NEGR1: variants seen among roughly 807,000 people sequenced by gnomAD.
The protein encoded by NEGR1 is IgLON family member 4.
In NEGR1, 10 loss-of-function variants were observed where a neutral mutation model predicts 40.9. That is an observed-to-expected ratio of 0.24 (90% confidence interval 0.15 to 0.42). The LOEUF (loss-of-function observed/expected upper bound fraction) is 0.42. Among genes scored for constraint, NEGR1 ranks in the 10% least tolerant of loss-of-function variants. NEGR1 has a pLI of 1.00. For synonymous variants in NEGR1, 185 were observed against 166.8 expected (o/e 1.11, Z -0.84); for missense variants, 352 against 438.9 (o/e 0.80, Z 1.77).
intron 6 of NEGR1, among the ~76,000 whole-genome samples, chr1:71,466,124 G>T (rs1297953107): frequency 1.3e-5 from 2 of 151,928 alleles, no homozygotes; most frequent in Admixed American, 1.3e-4. Context: ...ATAATAATAC[G>T]CAAGTAACAC....
At chr1:71,940,841 AG>A (rs1645952050) in intron 1 of NEGR1, among the ~76,000 whole-genome samples, 2 of 152,298 alleles carry the variant, frequency 1.3e-5, no homozygotes, top group South Asian at 2.1e-4. Flanking sequence ...TAAGTCAAAA[AG>A]CCTGTGGCTG....
chr1:71,666,981 T>C (rs544855475), intron 4 of NEGR1, among the ~76,000 whole-genome samples: 1 of 152,300 alleles, frequency 6.6e-6, no homozygotes, highest in African/African-American at 2.4e-5. Flanking sequence ...AACAAATATT[T>C]TGTCTGGTAT....
In NEGR1 at chr1:71,411,798, G is replaced by A. The variant is rs886471314; in HGVS notation, c.941-4228C>T. 3.3e-5 allele frequency among the ~76,000 whole-genome samples: 5 copies of A among 151,958 alleles called. No homozygotes were observed. In the East Asian group the frequency reaches 5.8e-4, roughly 18 times the overall value. ...GTGGATCACCTGAGGCCAGGAGTTC[G>A]AGAATAGCTTGGCCAACATGGCGAA... On this transcript the variant is annotated intron_variant, in intron 6 of 6. Transcript: ENST00000357731.
intron 6 of NEGR1, among the ~76,000 whole-genome samples, chr1:71,511,504 A>G (rs956214160): frequency 6.6e-6 from 1 of 152,212 alleles, no homozygotes; most frequent in Admixed American, 6.5e-5. Flanking sequence ...ACTGCATTCA[A>G]TTGTGCATCA....
intron 6 of NEGR1, among the ~76,000 whole-genome samples, chr1:71,507,303 CAGGAT>C (rs1187605592): frequency 6.6e-6 from 1 of 152,118 alleles, no homozygotes; most frequent in East Asian, 1.9e-4. Context: ...AAGAATTAGA[CAGGAT>C]AGGGGTCAAA....
At chr1:71,673,699 C>A (rs544917620) in intron 4 of NEGR1, among the ~76,000 whole-genome samples, 1 of 152,182 alleles carries the variant, frequency 6.6e-6, no homozygotes, top group East Asian at 1.9e-4. Flanking sequence ...CACTAATGGG[C>A]ATGTTACATT....
At chr1:71,484,495 A>G (rs577605227) in intron 6 of NEGR1, among the ~76,000 whole-genome samples, 7 of 151,908 alleles carry the variant, frequency 4.6e-5, no homozygotes, top group South Asian at 2.1e-4. Context: ...TAAAAAGCCA[A>G]TATCATAAAT....
intron 1 of NEGR1, among the ~76,000 whole-genome samples, chr1:72,082,717 A>C (rs994101838): frequency 2.4e-4 from 36 of 151,790 alleles, no homozygotes; most frequent in Non-Finnish European, 4.0e-4. Flanking sequence ...CAAAAAACAA[A>C]AAAAAAAAAA....
intron 2 of NEGR1, among the ~76,000 whole-genome samples, chr1:71,885,859 T>C (rs983189786): frequency 6.6e-6 from 1 of 152,210 alleles, no homozygotes; most frequent in Non-Finnish European, 1.5e-5. Flanking sequence ...ACAAATGGCG[T>C]ATTAATAATC....
intron 1 of NEGR1, among the ~76,000 whole-genome samples, chr1:72,149,828 C>T (rs1430954826): frequency 1.4e-5 from 2 of 142,700 alleles, no homozygotes; most frequent in African/African-American, 5.3e-5. Context: ...TTGTGGTGAG[C>T]CGAGATGTTG....
intron 2 of NEGR1, among the ~76,000 whole-genome samples, chr1:71,934,739 T>C (rs950663315): frequency 2.6e-5 from 4 of 152,156 alleles, no homozygotes; most frequent in African/African-American, 9.7e-5. Context: ...TATTTCTTTA[T>C]CTTTGTAAGT....
At chr1:72,238,644 T>G (rs1034962303) in intron 1 of NEGR1, among the ~76,000 whole-genome samples, 2 of 151,850 alleles carry the variant, frequency 1.3e-5, no homozygotes, top group African/African-American at 4.8e-5. Flanking sequence ...AGGTGACTTG[T>G]GATAGAAATC....
At chr1:71,541,578 T>C (rs1039189614) in intron 6 of NEGR1, among the ~76,000 whole-genome samples, 1 of 151,798 alleles carries the variant, frequency 6.6e-6, no homozygotes, top group Non-Finnish European at 1.5e-5. Flanking sequence ...ACATGCGTTA[T>C]AGGCATTAAA....
chr1:71,502,595 C>T (rs72936140), intron 6 of NEGR1, among the ~76,000 whole-genome samples: 5,876 of 152,130 alleles, frequency 0.039, 367 homozygotes, highest in African/African-American at 0.13. Context: ...AGGGGAGATG[C>T]GTCCCACCTG....
At chr1:71,821,049 A>T (rs751201750) in intron 2 of NEGR1, among the ~76,000 whole-genome samples, 69 of 152,098 alleles carry the variant, frequency 4.5e-4, no homozygotes, top group Non-Finnish European at 3.1e-4. Context: ...ATTCTGGAAA[A>T]TGTATTATTT....
At chr1:71,437,422 A>G (rs1178382385) in intron 6 of NEGR1, among the ~76,000 whole-genome samples, 1 of 152,166 alleles carries the variant, frequency 6.6e-6, no homozygotes, top group Non-Finnish European at 1.5e-5. Context: ...TCACATGTAA[A>G]TGATAACTCA....
chr1:72,163,203 T>C (rs1231853773), intron 1 of NEGR1, among the ~76,000 whole-genome samples: 1 of 152,160 alleles, frequency 6.6e-6, no homozygotes, highest in Admixed American at 6.6e-5. Flanking sequence ...GCTATTTAGT[T>C]TTCCAGATTA....
intron 3 of NEGR1, among the ~76,000 whole-genome samples, chr1:71,767,757 C>T (rs1344591343): frequency 1.3e-5 from 2 of 152,204 alleles, no homozygotes; most frequent in Non-Finnish European, 1.5e-5. Flanking sequence ...CATCACAGAC[C>T]TGGAGGCCTA....
chr1:72,203,877 C>A (rs1390390941), intron 1 of NEGR1, among the ~76,000 whole-genome samples: 1 of 152,068 alleles, frequency 6.6e-6, no homozygotes, highest in Non-Finnish European at 1.5e-5. Context: ...GGATTGTTAG[C>A]ATCTTTTTAG....
Sources: allele counts gnomAD v4.1 joint callset (sites outside exome capture counted in the v4.1 genomes callset), GRCh38; gene constraint gnomAD v4.1.1; transcripts MANE v1.5; gene names NCBI Gene and HGNC (gene_info 2026-07-23, HGNC 2026-07-21).